Variants in SPOCK1 observed in about 807,000 individuals in gnomAD.
SPOCK1 encodes the protein SPARC (osteonectin), cwcv and kazal like domains proteoglycan 1.
A neutral mutation model predicts 55.3 loss-of-function variants in SPOCK1; 23 were observed. The observed-to-expected ratio is 0.42, with a 90% CI of 0.30 to 0.59. The LOEUF is 0.59. Ranked by LOEUF, SPOCK1 falls within the 20% of genes least tolerant of loss-of-function variation. The probability of loss-of-function intolerance (pLI) is 0.22; values close to 1 mark genes in which losing one functional copy is unlikely to be tolerated. For synonymous variants in SPOCK1, 226 were observed against 221.0 expected, an observed-to-expected ratio of 1.02 and a Z score of -0.20; for missense variants, 499 against 552.5, an observed-to-expected ratio of 0.90 and a Z score of 0.97.
intron 6 of SPOCK1, among the ~76,000 whole-genome samples, chr5:137,051,474 A>G (rs1752207383): frequency 6.6e-6 from 1 of 152,222 alleles, no homozygotes; most frequent in African/African-American, 2.4e-5. Context: ...CAAAATAGAA[A>G]CATAGGTGAA....
intron 1 of SPOCK1, 70 bp from the exon 2 acceptor site, chr5:137,498,628 T>C: frequency 1.7e-6 from 2 of 1,209,736 alleles, no homozygotes; most frequent in Non-Finnish European, 2.1e-6. Context: ...CACCCAGGCG[T>C]CCCAGCGCCC....
chr5:137,484,747 T>C (rs1365267402), intron 2 of SPOCK1, among the ~76,000 whole-genome samples: 2 of 152,136 alleles, frequency 1.3e-5, no homozygotes, highest in Non-Finnish European at 2.9e-5. Context: ...AAAATATTCG[T>C]CACACAATTA....
chr5:137,189,799 GA>G (rs1755142687), intron 3 of SPOCK1, among the ~76,000 whole-genome samples: 1 of 152,054 alleles, frequency 6.6e-6, no homozygotes, highest in Non-Finnish European at 1.5e-5. Flanking sequence ...AAAACCTTCC[GA>G]AAATGATTCA....
intron 2 of SPOCK1, among the ~76,000 whole-genome samples, chr5:137,480,310 C>CAA (rs1753922629): frequency 1.4e-5 from 2 of 139,700 alleles, no homozygotes; most frequent in African/African-American, 5.5e-5. Flanking sequence ...CCTTCACACA[C>CAA]ACACACACAC....
intron 3 of SPOCK1, among the ~76,000 whole-genome samples, chr5:137,244,647 C>T (rs1323227533): frequency 6.6e-6 from 1 of 152,212 alleles, no homozygotes; most frequent in Non-Finnish European, 1.5e-5. Flanking sequence ...TCCCACTTGA[C>T]ACTGACCAAC....
intron 3 of SPOCK1, among the ~76,000 whole-genome samples, chr5:137,163,596 T>A (rs973146923): frequency 6.6e-6 from 1 of 152,192 alleles, no homozygotes; most frequent in Non-Finnish European, 1.5e-5. Flanking sequence ...CTCATAATAA[T>A]CTTTTGAAGT....
rs115186755 is a variant in SPOCK1 at position 137,161,524 on chromosome 5, T to G, written c.233-20830A>C. ...TTAGGCTATAAAATCATCATTGCTT[T>G]CATCTACACATTTTTTATGATTTAT... On this transcript the variant is annotated intron_variant, in intron 3 of 10. Transcript: ENST00000394945. Among the ~76,000 whole-genome samples, 473 of 152,004 alleles carry G rather than the reference T, an allele frequency of 3.1e-3. 2 individuals carry two copies. The highest frequency in any genetic ancestry group is 0.011 in the African/African-American group (460 of 41,444).
At chr5:137,038,556 A>C (rs1751928375) in intron 6 of SPOCK1, among the ~76,000 whole-genome samples, 1 of 152,214 alleles carries the variant, frequency 6.6e-6, no homozygotes, top group Non-Finnish European at 1.5e-5. Flanking sequence ...GGGAATAACT[A>C]CTTAATGCCA....
chr5:137,217,296 C>T (rs1755735478), intron 3 of SPOCK1, among the ~76,000 whole-genome samples: 1 of 152,204 alleles, frequency 6.6e-6, no homozygotes, highest in Admixed American at 6.5e-5. Flanking sequence ...TCTCATCCAG[C>T]ATTAACTCCT....
At chr5:137,348,395 A>G (rs183804271) in intron 2 of SPOCK1, among the ~76,000 whole-genome samples, 142 of 146,700 alleles carry the variant, frequency 9.7e-4, no homozygotes, top group Non-Finnish European at 1.8e-3. Flanking sequence ...CATGACCAAA[A>G]TGGAACATCT....
intron 2 of SPOCK1, among the ~76,000 whole-genome samples, chr5:137,270,521 A>G (rs1756941980): frequency 6.6e-6 from 1 of 152,216 alleles, no homozygotes; most frequent in Non-Finnish European, 1.5e-5. Flanking sequence ...TGTAAATTCT[A>G]ACTAACCCAT....
rs187919431 is a variant in SPOCK1 at position 137,233,533 on chromosome 5, C to G, written c.232+33477G>C. Among the ~76,000 whole-genome samples the G allele has an allele frequency of 3.2e-3, 488 of 152,166 alleles. 7 individuals carry two copies. The highest frequency in any genetic ancestry group is 0.011 in the African/African-American group (467 of 41,512). ...CTGCTTGCTCACCTGTCGCTCACCT[C>G]CTGCTGTGTGACCCTGTTCCTAACA... On this transcript the variant is annotated intron_variant, in intron 3 of 10. Coordinates refer to ENST00000394945, the MANE Select transcript of SPOCK1 (RefSeq NM_004598.4).
At chr5:137,240,731 G>C (rs1429086036) in intron 3 of SPOCK1, among the ~76,000 whole-genome samples, 2 of 151,696 alleles carry the variant, frequency 1.3e-5, no homozygotes, top group African/African-American at 4.8e-5. Context: ...AATACATTTA[G>C]AAAAATATAG....
chr5:137,332,704 T>C (rs1375061570), intron 2 of SPOCK1, among the ~76,000 whole-genome samples: 1 of 152,210 alleles, frequency 6.6e-6, no homozygotes, highest in Non-Finnish European at 1.5e-5. Context: ...TAGAAAGCAC[T>C]TTCATATATA....
Position 137,140,647 on chromosome 5 carries a change from G to A in SPOCK1, c.280C>T (p.His94Tyr). 1 of 1,613,854 alleles carries A rather than the reference G, an allele frequency of 6.2e-7. No homozygotes were observed. ...TAGTCCTGGGTCACACACACTTTGT[G>A]AGGGCTGCATTTTACCTTCAGGCAG... ...DPCLKVKCSP[H>Y]KVCVTQDYQT... Residue 94 changes from histidine (H) to tyrosine (Y), a missense_variant, in exon 4 of 11, where the codon CAC becomes TAC. His to Tyr is a moderately conservative substitution (Grantham distance 83). Coordinates refer to ENST00000394945, the MANE Select transcript of SPOCK1 (RefSeq NM_004598.4).
intron 2 of SPOCK1, among the ~76,000 whole-genome samples, chr5:137,436,662 C>T (rs751561762): frequency 2.0e-5 from 3 of 152,132 alleles, no homozygotes; most frequent in African/African-American, 7.2e-5. Flanking sequence ...AGCTGAGATG[C>T]TGATTGGAAT....
chr5:137,102,686 G>T (rs1345084566), intron 5 of SPOCK1, among the ~76,000 whole-genome samples: 2 of 152,094 alleles, frequency 1.3e-5, no homozygotes, highest in Non-Finnish European at 2.9e-5. Context: ...ACAGACCAGG[G>T]TTCAAATATC....
intron 3 of SPOCK1, among the ~76,000 whole-genome samples, chr5:137,252,669 C>A (rs772605384): frequency 6.6e-6 from 1 of 152,188 alleles, no homozygotes; most frequent in Non-Finnish European, 1.5e-5. Flanking sequence ...GCCTCTTCAT[C>A]TGAGAGTGGT....
intron 3 of SPOCK1, among the ~76,000 whole-genome samples, chr5:137,150,018 C>A (rs1441623306): frequency 1.3e-5 from 2 of 152,114 alleles, no homozygotes; most frequent in African/African-American, 4.8e-5. Context: ...CATTTATTAT[C>A]CTCATGGCTT....
Sources: allele counts gnomAD v4.1 joint callset (sites outside exome capture counted in the v4.1 genomes callset), GRCh38; gene constraint gnomAD v4.1.1; transcripts MANE v1.5; gene names NCBI Gene and HGNC (gene_info 2026-07-23, HGNC 2026-07-21).